The following ENOX2 variants were observed in gnomAD, a reference collection of about 807,000 sequenced individuals.
ENOX2 encodes the protein ecto-NOX disulfide-thiol exchanger 2, also known as APK1 antigen.
Under a neutral mutation model 45.0 loss-of-function variants are expected in ENOX2, and 36 were observed. That is an observed-to-expected ratio of 0.80 (90% CI 0.61 to 1.06). The LOEUF (loss-of-function observed/expected upper bound fraction) is 1.06, where lower values mean the gene tolerates loss of function less well. Ranked by LOEUF, ENOX2 falls within the 50% of genes least tolerant of loss-of-function variation. The pLI is 0.00. For missense variants in ENOX2, 423 were observed against 462.5 expected (o/e 0.91, Z 0.78); for synonymous variants, 174 against 152.3 (o/e 1.14, Z -1.05).
intron 13 of ENOX2, among the ~76,000 whole-genome samples, chrX:130,630,241 T>C: frequency 9.0e-6 from 1 of 111,153 alleles, no homozygotes; most frequent in East Asian, 2.8e-4. Flanking sequence ...GTCACTGTGA[T>C]ATAATAAAAA....
At chrX:130,769,662 C>T (rs372789426) in intron 3 of ENOX2, among the ~76,000 whole-genome samples, 23 of 111,562 alleles carry the variant, frequency 2.1e-4, no homozygotes, top group Non-Finnish European at 5.7e-5. Flanking sequence ...ACTCAAGTCT[C>T]GGTTTCTGCT....
intron 4 of ENOX2, among the ~76,000 whole-genome samples, chrX:130,692,604 G>A (rs2037637440): frequency 1.0e-5 from 1 of 99,671 alleles, no homozygotes; most frequent in African/African-American, 3.7e-5. Flanking sequence ...TTTTTGAGAC[G>A]GAGTCCCGCT....
intron 3 of ENOX2, among the ~76,000 whole-genome samples, chrX:130,736,033 T>C (rs2038851895): frequency 8.9e-6 from 1 of 111,890 alleles, no homozygotes; most frequent in Non-Finnish European, 1.9e-5. Context: ...TTCTAAATTT[T>C]TAAGCAGTAG....
intron 3 of ENOX2, among the ~76,000 whole-genome samples, chrX:130,775,319 G>A (rs1227965817): frequency 2.7e-5 from 3 of 110,048 alleles, no homozygotes; most frequent in Non-Finnish European, 5.7e-5. Flanking sequence ...GTTCAAGGCT[G>A]CAGTGACCTG....
At chrX:130,813,320 G>A (rs188146526) in intron 2 of ENOX2, among the ~76,000 whole-genome samples, 1 of 112,427 alleles carries the variant, frequency 8.9e-6, no homozygotes, top group East Asian at 2.8e-4. Context: ...TGGGAAAACC[G>A]TATATGCACA....
At chrX:130,693,325 T>C (rs766559126) in intron 4 of ENOX2, among the ~76,000 whole-genome samples, 1 of 112,650 alleles carries the variant, frequency 8.9e-6, no homozygotes, top group African/African-American at 3.2e-5. Flanking sequence ...CATAACTGTT[T>C]ATTAAGTGCT....
chrX:130,834,984 T>C (rs2077905306), intron 2 of ENOX2, among the ~76,000 whole-genome samples: 1 of 111,382 alleles, frequency 9.0e-6, no homozygotes, highest in African/African-American at 3.3e-5. Context: ...ATATAGTTTA[T>C]AAAACCATCC....
At chrX:130,797,672 G>A (rs1485487726) in intron 2 of ENOX2, among the ~76,000 whole-genome samples, 1 of 111,573 alleles carries the variant, frequency 9.0e-6, no homozygotes, top group Non-Finnish European at 1.9e-5. Flanking sequence ...AAACTTGACC[G>A]AGCAGCTTGG....
intron 5 of ENOX2, among the ~76,000 whole-genome samples, chrX:130,681,442 G>A (rs139038181): frequency 1.8e-5 from 2 of 111,383 alleles, no homozygotes; most frequent in East Asian, 5.6e-4. Context: ...GTTGTAATGT[G>A]TAGTTAAGGT....
intron 6 of ENOX2, among the ~76,000 whole-genome samples, chrX:130,674,809 C>T (rs1327876370): frequency 3.2e-5 from 3 of 94,642 alleles, no homozygotes; most frequent in African/African-American, 7.8e-5. Flanking sequence ...TGATGTTCCC[C>T]TTCCCGTGTC....
intron 10 of ENOX2, among the ~76,000 whole-genome samples, chrX:130,652,871 G>A (rs1033445980): frequency 2.7e-5 from 3 of 112,067 alleles, no homozygotes; most frequent in Non-Finnish European, 5.6e-5. Flanking sequence ...CAGAAACTAG[G>A]AGACAGGAAT....
chrX:130,647,952 C>T lies in ENOX2; in HGVS notation c.1129+8629G>A, dbSNP rs1032763346. ...AATATTAGATCTCAAGAAATCTATT[C>T]CATTTGCATTAAACATTTCAGATTC... On this transcript the variant is annotated intron_variant, in intron 10 of 14. Coordinates refer to ENST00000394363, the MANE Select transcript of ENOX2 (RefSeq NM_006375.4). Among the ~76,000 whole-genome samples, 5 of 111,512 alleles carry T rather than the reference C, an allele frequency of 4.5e-5. No individual in the cohort carries two copies. In the Admixed American group the frequency reaches 4.8e-4, roughly 11 times the overall value.
At position 130,739,890 on chromosome X, in the gene ENOX2, T is replaced by C. The variant is rs1456604487; in HGVS notation, c.-38-36636A>G. On this transcript the variant is annotated intron_variant, in intron 3 of 14. Transcript: ENST00000394363. ...ACAGGGTCTAGATGCTACAAAGTAA[T>C]TTTATGCTTATTTGAAGACTTCTGA... is the stretch of plus-strand genomic sequence containing the variant. 4.4e-5 allele frequency among the ~76,000 whole-genome samples: 5 copies of C among 112,482 alleles called. No individual in the cohort carries two copies. In the Admixed American group the frequency reaches 4.7e-4, roughly 11 times the overall value.
At chrX:130,680,660 A>G (rs368397485) in intron 5 of ENOX2, among the ~76,000 whole-genome samples, 2 of 112,679 alleles carry the variant, frequency 1.8e-5, no homozygotes, top group African/African-American at 6.4e-5. Flanking sequence ...CATGATGGTC[A>G]TGGGTTTTCT....
chrX:130,749,605 G>A lies in ENOX2; in HGVS notation c.-39+33942C>T, dbSNP rs902069653. On this transcript the variant is annotated intron_variant, in intron 3 of 14. Transcript: ENST00000394363. ...TGATGTTCAGACTCAGTCCCCTTGC[G>A]AGCATGATTTGAATAATTTTTGCCA... 4.5e-5 allele frequency among the ~76,000 whole-genome samples: 5 copies of A among 110,728 alleles called. No homozygotes were observed. In the South Asian group the frequency reaches 1.2e-3, roughly 26 times the overall value.
At chrX:130,876,153 C>T (rs1273366287) in intron 2 of ENOX2, among the ~76,000 whole-genome samples, 1 of 111,752 alleles carries the variant, frequency 8.9e-6, no homozygotes, top group Non-Finnish European at 1.9e-5. Flanking sequence ...AAAACTTATA[C>T]ATTAATGCTC....
chrX:130,736,129 C>G (rs752971530), intron 3 of ENOX2, among the ~76,000 whole-genome samples: 7 of 111,189 alleles, frequency 6.3e-5, no homozygotes, highest in Admixed American at 5.7e-4. Flanking sequence ...TTTGGGAGGC[C>G]GAGGTGGGCA....
chrX:130,727,270 G>A (rs2038628972), intron 3 of ENOX2, among the ~76,000 whole-genome samples: 2 of 112,112 alleles, frequency 1.8e-5, no homozygotes, highest in Non-Finnish European at 3.8e-5. Flanking sequence ...AGAAGTTTAA[G>A]TAAATTGCTC....
intron 9 of ENOX2, among the ~76,000 whole-genome samples, chrX:130,661,412 C>T (rs1368200610): frequency 9.0e-6 from 1 of 110,844 alleles, no homozygotes; most frequent in Non-Finnish European, 1.9e-5. Flanking sequence ...TGGTCTCGAA[C>T]TCCTGAACTC....
Sources: gnomAD v4.1 joint callset for allele counts (sites outside exome capture counted in the v4.1 genomes callset) on GRCh38, gnomAD v4.1.1 for gene constraint, MANE v1.5 for transcripts, NCBI Gene and HGNC (gene_info 2026-07-23, HGNC 2026-07-21) for gene names.